The following DDAH1 variants were observed in gnomAD, a reference collection of about 807,000 sequenced individuals.
The protein encoded by DDAH1 is dimethylarginine dimethylaminohydrolase 1, also known as N(G),N(G)-dimethylarginine dimethylaminohydrolase 1.
A neutral mutation model predicts 28.8 loss-of-function variants in DDAH1; 19 were observed. The observed-to-expected ratio is 0.66, with a 90% CI of 0.46 to 0.97. The LOEUF is 0.97. DDAH1 is among the 50% of genes least tolerant of loss of function. The pLI is 0.00. For missense variants in DDAH1, 326 were observed against 375.9 expected (o/e 0.87, Z 1.10); for synonymous variants, 153 against 154.4 (o/e 0.99, Z 0.07).
chr1:85,445,712 T>C (rs1654400756), intron 1 of DDAH1, among the ~76,000 whole-genome samples: 1 of 152,146 alleles, frequency 6.6e-6, no homozygotes, highest in African/African-American at 2.4e-5. Flanking sequence ...CTAAGCCCAA[T>C]CATCCTGCCT....
chr1:85,498,244 AC>A (rs1466349856), intron 1 of DDAH1, among the ~76,000 whole-genome samples: 2 of 152,248 alleles, frequency 1.3e-5, no homozygotes. Flanking sequence ...GCTTCATCCA[AC>A]CCAGCAGGTA....
At chr1:85,463,480 A>G (rs1404372653) in intron 1 of DDAH1, among the ~76,000 whole-genome samples, 5 of 152,362 alleles carry the variant, frequency 3.3e-5, no homozygotes, top group Middle Eastern at 3.4e-3. Flanking sequence ...AGAGTGGGAC[A>G]TCTCACAGAC....
chr1:85,446,980 A>G (rs1654456939), intron 1 of DDAH1, among the ~76,000 whole-genome samples: 2 of 152,196 alleles, frequency 1.3e-5, no homozygotes, highest in Admixed American at 1.3e-4. Context: ...AACAGGAAGA[A>G]AGAAAGGTGG....
At chr1:85,557,785 A>G (rs1169686422) in intron 1 of DDAH1, among the ~76,000 whole-genome samples, 2 of 152,164 alleles carry the variant, frequency 1.3e-5, no homozygotes, top group Admixed American at 1.3e-4. Context: ...TCTTACAGGA[A>G]GAGGAAATTT....
chr1:85,549,551 C>T (rs977713578), intron 1 of DDAH1, among the ~76,000 whole-genome samples: 1 of 152,220 alleles, frequency 6.6e-6, no homozygotes, highest in Non-Finnish European at 1.5e-5. Context: ...ATCTCTGCTT[C>T]CATCATCAAG....
At chr1:85,465,463 G>A (rs1416012055), upstream of DDAH1, among the ~76,000 whole-genome samples, 2 of 152,188 alleles carry the variant, frequency 1.3e-5, no homozygotes, top group East Asian at 3.9e-4. Context: ...CGTCCCCAGC[G>A]CGGACTTGGA....
chr1:85,398,658 G>A (rs1373918670), intron 1 of DDAH1: 1 of 152,210 alleles, frequency 6.6e-6, no homozygotes, highest in Non-Finnish European at 1.5e-5. Context: ...AAACCAGGTT[G>A]AGAATTTGCT....
chr1:85,424,262 C>G, intron 1 of DDAH1, among the ~76,000 whole-genome samples: 1 of 152,034 alleles, frequency 6.6e-6, no homozygotes, highest in South Asian at 2.1e-4. Context: ...CTTCTGTTTT[C>G]TGGAAGAGAT....
intron 1 of DDAH1, among the ~76,000 whole-genome samples, chr1:85,565,121 G>T (rs780044358): frequency 6.8e-6 from 1 of 147,028 alleles, no homozygotes; most frequent in African/African-American, 2.5e-5. Context: ...AGAATCACTT[G>T]TACCCAGGAG....
intron 2 of DDAH1, among the ~76,000 whole-genome samples, chr1:85,478,789 T>C (rs964136403): frequency 6.6e-6 from 1 of 152,212 alleles, no homozygotes; most frequent in African/African-American, 2.4e-5. Flanking sequence ...GAAGTGGTCA[T>C]TGACGGGTAA....
chr1:85,401,650 C>T (rs1480740127), intron 1 of DDAH1, among the ~76,000 whole-genome samples: 1 of 151,834 alleles, frequency 6.6e-6, no homozygotes, highest in African/African-American at 2.4e-5. Context: ...CAGGCGCACA[C>T]TACCATGCCC....
At chr1:85,475,863 T>A (rs1655783906) in intron 2 of DDAH1, among the ~76,000 whole-genome samples, 1 of 152,060 alleles carries the variant, frequency 6.6e-6, no homozygotes, top group Non-Finnish European at 1.5e-5. Flanking sequence ...TTGGTTTTGG[T>A]TTTTTCGAGA....
intron 1 of DDAH1, among the ~76,000 whole-genome samples, chr1:85,438,281 A>T (rs988292186): frequency 3.9e-5 from 6 of 152,200 alleles, no homozygotes; most frequent in Non-Finnish European, 5.9e-5. Flanking sequence ...GCAACATGCA[A>T]TTTACCCTGT....
Position 85,325,347 on chromosome 1 carries a change from A to ATGTG in DDAH1, c.598-465_598-464insCACA, listed in dbSNP as rs1557459035. ...AGTAACACCACACGTGTGTGCATGC[A>ATGTG]CGTGCGTGCGCGCGCGCGCGCACAC... On this transcript the variant is annotated intron_variant, in intron 4 of 5. Transcript: ENST00000284031. 2.9e-5 allele frequency among the ~76,000 whole-genome samples: 4 copies of ATGTG among 139,824 alleles called. No individual in the cohort carries two copies. In the South Asian group the frequency reaches 1.1e-3, roughly 38 times the overall value. The allele number at this position is 139,824 out of a possible 152,430, so 91.7% of individuals were successfully genotyped here.
At chr1:85,331,563 T>C (rs1647769637) in intron 4 of DDAH1, among the ~76,000 whole-genome samples, 2 of 152,270 alleles carry the variant, frequency 1.3e-5, no homozygotes, top group South Asian at 4.1e-4. Context: ...TCTAAAATCA[T>C]TTATTTATTT....
chr1:85,416,842 T>G (rs1246026943), intron 1 of DDAH1, among the ~76,000 whole-genome samples: 1 of 151,830 alleles, frequency 6.6e-6, no homozygotes, highest in African/African-American at 2.4e-5. Flanking sequence ...TAATTTTTGT[T>G]TTTTTTGTAG....
chr1:85,352,041 G>T (rs553921774), intron 2 of DDAH1, among the ~76,000 whole-genome samples: 18 of 152,264 alleles, frequency 1.2e-4, no homozygotes, highest in African/African-American at 3.9e-4. Context: ...TCTCTGATCA[G>T]AAATTAAGTA....
chr1:85,520,833 A>C (rs1657658193), intron 1 of DDAH1, among the ~76,000 whole-genome samples: 1 of 152,344 alleles, frequency 6.6e-6, no homozygotes, highest in South Asian at 2.1e-4. Context: ...AAACACAGGA[A>C]TATGTCAATA....
intron 1 of DDAH1, among the ~76,000 whole-genome samples, chr1:85,393,784 T>C (rs529191379): frequency 7.2e-5 from 11 of 152,298 alleles, no homozygotes; most frequent in Admixed American, 1.3e-4. Flanking sequence ...ATTTTCTACA[T>C]TGTCTCACCT....
Sources: gnomAD v4.1 joint callset for allele counts (sites outside exome capture counted in the v4.1 genomes callset) on GRCh38, gnomAD v4.1.1 for gene constraint, MANE v1.5 for transcripts, NCBI Gene and HGNC (gene_info 2026-07-23, HGNC 2026-07-21) for gene names.